PRPF8: variants seen among roughly 807,000 people sequenced by gnomAD.
PRPF8 encodes pre-mRNA-processing-splicing factor 8.
Under a neutral mutation model 285.9 loss-of-function variants are expected in PRPF8, and 64 were observed. The ratio of observed to expected loss-of-function variants is 0.22; its 90% CI spans 0.18 to 0.28. The LOEUF is 0.28. PRPF8 is among the 10% of genes least tolerant of loss of function. The pLI is 1.00. For synonymous variants in PRPF8, 1,325 were observed against 1,118.2 expected, an observed-to-expected ratio of 1.18 and a Z score of -3.69; for missense variants, 1,426 against 3,026.7, an observed-to-expected ratio of 0.47 and a Z score of 12.41.
At position 1,651,199 on chromosome 17, in the gene PRPF8, T is replaced by G. The variant is rs372075957; in HGVS notation, c.6762A>C (p.Ser2254=). ...KGNNPKGYLP[S]HYERVQMLLS... is the part of the protein sequence containing the mutation. ...GCAGCATCTGCACCCTCTCATAGTG[T>G]GAAGGCAGGTAGCCCTTGGGGTTGT... The change falls in exon 42 of 43, where the codon TCA becomes TCC. Residue 2254 remains serine (S), a synonymous_variant. Transcript: ENST00000304992. The surrounding 1 kb of genome is among the most constrained non-coding windows in gnomAD (Gnocchi z 5.1). 13 of 1,614,002 alleles carry G rather than the reference T, an allele frequency of 8.1e-6. No homozygotes were observed. The highest frequency in any genetic ancestry group is 1.3e-5 in the African/African-American group (1 of 74,908).
Position 1,676,827 on chromosome 17 carries a change from C to T in PRPF8, c.2182-116G>A. ...ATCGCTTGAGCTCAGGAGCTTGAGG[C>T]CAGCCTAAGCAACATGGTGCTTCTT... On this transcript the variant is annotated intron_variant, in intron 15 of 42. Coordinates refer to ENST00000304992, the MANE Select transcript of PRPF8 (RefSeq NM_006445.4). This position sits in a 1 kb window ranked among gnomAD's most constrained non-coding sequence, Gnocchi z 6.3. 1.4e-6 allele frequency: 2 copies of T among 1,465,392 alleles called. No individual in the cohort carries two copies. The highest frequency in any genetic ancestry group is 1.9e-6 in the Non-Finnish European group (2 of 1,055,730). The allele number at this position is 1,465,392 out of a possible 1,614,324, so 90.8% of individuals were successfully genotyped here.
At position 1,676,122 on chromosome 17, in the gene PRPF8, T is replaced by C. The variant is rs1912591174; in HGVS notation, c.2553-68A>G. On this transcript the variant is annotated intron_variant, in intron 17 of 42. Coordinates refer to ENST00000304992, the MANE Select transcript of PRPF8 (RefSeq NM_006445.4). The surrounding 1 kb of genome is among the most constrained non-coding windows in gnomAD (Gnocchi z 6.3). ...AAGTAAAACCAGGAAAGACTGGGGC[T>C]ACACCTTCTTTCTTTGGACTCTGAG... 6.2e-7 allele frequency: 1 copy of C among 1,611,680 alleles called. No individual in the cohort carries two copies. Among genetic ancestry groups the C allele is most frequent in the Non-Finnish European group, 8.5e-7 (1 of 1,179,600 alleles).
chr17:1,657,627 C>T (rs1237246449), intron 34 of PRPF8, among the ~76,000 whole-genome samples: 1 of 119,088 alleles, frequency 8.4e-6, no homozygotes, highest in Non-Finnish European at 1.7e-5. Context: ...GCCTGGGCAA[C>T]AGAGCAAGAC....
chr17:1,665,845 CAA>C (rs1275826190), intron 24 of PRPF8, among the ~76,000 whole-genome samples: 31 of 84,092 alleles, frequency 3.7e-4, no homozygotes, highest in Admixed American at 5.7e-4. Context: ...GACTCCATCT[CAA>C]AAAAAAAAAA....
Position 1,651,078 on chromosome 17 carries a change from T to G in PRPF8, c.6853+30A>C, listed in dbSNP as rs775947955. ...TGGCCTCACCTTATCCCTACTGCTA[T>G]CCCCACATCCCCAGGCTCCTCCCAC... On this transcript the variant is annotated intron_variant, in intron 42 of 42. Coordinates refer to ENST00000304992, the MANE Select transcript of PRPF8 (RefSeq NM_006445.4). This position sits in a 1 kb window ranked among gnomAD's most constrained non-coding sequence, Gnocchi z 5.1. 1.2e-6 allele frequency: 2 copies of G among 1,614,000 alleles called. No individual in the cohort carries two copies. The highest frequency in any genetic ancestry group is 1.7e-6 in the Non-Finnish European group (2 of 1,179,902).
Position 1,669,879 on chromosome 17 carries a change from T to C in PRPF8, c.3774+3202A>G, listed in dbSNP as rs188132951. ...CTCCCTCTCCTCTTCTCACTCCACA[T>C]TGTCCCTGGGTGATGTCACTCATTC... On this transcript the variant is annotated intron_variant, in intron 24 of 42. Transcript: ENST00000304992. Among the ~76,000 whole-genome samples, 199 of 152,304 alleles carry C rather than the reference T, an allele frequency of 1.3e-3. 2 individuals are homozygous for C. The highest frequency in any genetic ancestry group is 6.2e-4 in the South Asian group (3 of 4,824).
chr17:1,659,094 C>A lies in PRPF8; in HGVS notation c.5138+263G>T, dbSNP rs976466022. 5 of 606,304 alleles carry A rather than the reference C, an allele frequency of 8.2e-6. No individual in the cohort carries two copies. The highest frequency in any genetic ancestry group is 8.7e-6 in the Non-Finnish European group (3 of 343,016). The allele number at this position is 606,304 out of a possible 1,614,324, so 37.6% of individuals were successfully genotyped here. ...AGGCTGGAGTGCAGTGGCGCAATCT[C>A]GGTTCACTGCAAGCTCCGCCTCCCG... On this transcript the variant is annotated intron_variant, in intron 32 of 42. Transcript: ENST00000304992. The surrounding 1 kb of genome is among the most constrained non-coding windows in gnomAD (Gnocchi z 5.1).
At position 1,658,447 on chromosome 17, in the gene PRPF8, C is replaced by T; in HGVS notation, c.5377-66G>A. The T allele has an allele frequency of 6.2e-7, 1 of 1,614,122 alleles. No individual in the cohort carries two copies. Among genetic ancestry groups the T allele is most frequent in the Non-Finnish European group, 8.5e-7 (1 of 1,179,964 alleles). On this transcript the variant is annotated intron_variant, in intron 33 of 42. Transcript: ENST00000304992. This position sits in a 1 kb window ranked among gnomAD's most constrained non-coding sequence, Gnocchi z 4.1. Reference sequence around the variant, plus strand: ...CATCCCCATCCTGCCTTCTTCCCAGCATGTGTACACACTTAGCCCATTACT... The same window carrying T: ...CATCCCCATCCTGCCTTCTTCCCAGTATGTGTACACACTTAGCCCATTACT...
chr17:1,670,470 G>A (rs368692933), intron 24 of PRPF8, among the ~76,000 whole-genome samples: 9 of 152,074 alleles, frequency 5.9e-5, no homozygotes, highest in African/African-American at 2.2e-4. Context: ...TACTTTCAGT[G>A]CTCTCATCAT....
intron 24 of PRPF8, among the ~76,000 whole-genome samples, chr17:1,665,159 C>CAAAA (rs562789942): frequency 0.048 from 2,562 of 53,192 alleles, 61 homozygotes; most frequent in Non-Finnish European, 0.067. Context: ...GACTCTGCCT[C>CAAAA]AAAAAAAAAA....
At chr17:1,655,238 A>C (rs1187858367) in intron 37 of PRPF8, 112 bp downstream of exon 37, 1 of 1,224,764 alleles carries the variant, frequency 8.2e-7, no homozygotes, top group Non-Finnish European at 1.2e-6. Context: ...GATTACAGGC[A>C]TGAGCCACCG....
chr17:1,666,897 G>A (rs1019855164), intron 24 of PRPF8, among the ~76,000 whole-genome samples: 2 of 152,100 alleles, frequency 1.3e-5, no homozygotes, highest in African/African-American at 2.4e-5. Context: ...GAGGGGGGCC[G>A]GGTGCGGTGG....
chr17:1,669,895 T>C (rs145943373), intron 24 of PRPF8, among the ~76,000 whole-genome samples: 1 of 152,342 alleles, frequency 6.6e-6, no homozygotes, highest in East Asian at 1.9e-4. Context: ...CTGGGTGATG[T>C]CACTCATTCT....
At chr17:1,677,502 A>G in intron 14 of PRPF8, 63 bp downstream of exon 14, 1 of 1,612,652 alleles carries the variant, frequency 6.2e-7, no homozygotes, top group South Asian at 1.1e-5. Context: ...GAACAGACTC[A>G]AACAGGGGCA....
rs779420760 is a variant in PRPF8 at position 1,676,713 on chromosome 17, T to TA, written c.2182-3dup. The TA allele has an allele frequency of 1.5e-5, 25 of 1,613,612 alleles. No individual in the cohort carries two copies. The highest frequency in any genetic ancestry group is 1.3e-5 in the African/African-American group (1 of 74,868). ...TATGGGCGTCGGCAGCCCAGGGACC[T>TA]AAAAGTCCAAAAAGCACAATCAAGC... On this transcript the variant is annotated splice_region_variant and splice_polypyrimidine_tract_variant and intron_variant, in intron 15 of 42. Coordinates refer to ENST00000304992, the MANE Select transcript of PRPF8 (RefSeq NM_006445.4). The surrounding 1 kb of genome is among the most constrained non-coding windows in gnomAD (Gnocchi z 6.3).
intron 36 of PRPF8, 49 bp from the exon 37 acceptor site, chr17:1,655,592 C>G (rs746518925): frequency 1.3e-6 from 2 of 1,485,816 alleles, no homozygotes; most frequent in Admixed American, 1.7e-5. Flanking sequence ...TTGAGGCTCT[C>G]CCACTTTAAT....
Position 1,651,091 on chromosome 17 carries a change from A to G in PRPF8, c.6853+17T>C. The stretch of plus-strand genomic sequence containing the variant: ...TCCCTACTGCTATCCCCACATCCCC[A>G]GGCTCCTCCCACTTACCCATGAAGT... On this transcript the variant is annotated intron_variant, in intron 42 of 42. Coordinates refer to ENST00000304992, the MANE Select transcript of PRPF8 (RefSeq NM_006445.4). This position sits in a 1 kb window ranked among gnomAD's most constrained non-coding sequence, Gnocchi z 5.1. 2 of 1,614,066 alleles carry G rather than the reference A, an allele frequency of 1.2e-6. No individual in the cohort carries two copies. The highest frequency in any genetic ancestry group is 1.7e-6 in the Non-Finnish European group (2 of 1,179,978).
At chr17:1,654,618 A>C in intron 37 of PRPF8, 2 of 176,094 alleles carry the variant, frequency 1.1e-5, no homozygotes, top group South Asian at 1.2e-4. Context: ...CTTCCTCGAG[A>C]CTCTGTAAGA....
At chr17:1,684,440 G>A (rs1913121175) in intron 2 of PRPF8, 32 bp downstream of exon 2, 2 of 1,610,512 alleles carry the variant, frequency 1.2e-6, no homozygotes. Context: ...CCCCGCCTCC[G>A]GCCCGCGCGC....
Sources: gnomAD v4.1 joint callset for allele counts (sites outside exome capture counted in the v4.1 genomes callset) on GRCh38, gnomAD v4.1.1 for gene constraint, Gnocchi (gnomAD v3.1) non-coding constraint, MANE v1.5 for transcripts, NCBI Gene and HGNC (gene_info 2026-07-23, HGNC 2026-07-21) for gene names.